PFKFB4: variants seen among roughly 807,000 people sequenced by gnomAD.
PFKFB4 encodes 6-phosphofructo-2-kinase/fructose-2,6-bisphosphatase 4.
A neutral mutation model predicts 62.8 loss-of-function variants in PFKFB4; 42 were observed. The ratio of observed to expected loss-of-function variants is 0.67; its 90% CI spans 0.52 to 0.86. The LOEUF (loss-of-function observed/expected upper bound fraction) is 0.86, where lower values mean the gene tolerates loss of function less well. Ranked by LOEUF, PFKFB4 falls within the 40% of genes least tolerant of loss-of-function variation. The pLI is 0.00. For missense variants in PFKFB4, 475 were observed against 627.2 expected, an observed-to-expected ratio of 0.76 and a Z score of 2.59; for synonymous variants, 204 against 240.7, an observed-to-expected ratio of 0.85 and a Z score of 1.41.
intron 1 of PFKFB4, among the ~76,000 whole-genome samples, chr3:48,554,010 C>T (rs1384706489): frequency 6.6e-6 from 1 of 152,196 alleles, no homozygotes; most frequent in Non-Finnish European, 1.5e-5. Context: ...AGGTAAAAGC[C>T]TCCCAAGCCC....
chr3:48,525,853 C>CT, intron 9 of PFKFB4, 184 bp from the exon 10 acceptor site: 1 of 403,300 alleles, frequency 2.5e-6, no homozygotes. Context: ...TGGTTCCTTG[C>CT]TTGTAAAAAG....
chr3:48,558,206 C>CT (rs2043376985), upstream of PFKFB4, among the ~76,000 whole-genome samples: 1 of 152,106 alleles, frequency 6.6e-6, no homozygotes, highest in African/African-American at 2.4e-5. Flanking sequence ...CCCTGGCTCA[C>CT]TTTCTTGTTT....
chr3:48,562,396 C>T (rs551367269), upstream of PFKFB4: 58 of 229,840 alleles, frequency 2.5e-4, 1 homozygote, highest in South Asian at 4.6e-3. This position sits in a 1 kb window ranked among gnomAD's most constrained non-coding sequence, Gnocchi z 4.3. Flanking sequence ...CTGCATGTGG[C>T]GGTGTCCAGG....
In PFKFB4 at chr3:48,556,248, G is replaced by T; in HGVS notation, c.97+433C>A. On this transcript the variant is annotated intron_variant, in intron 1 of 13. Coordinates refer to ENST00000232375, the MANE Select transcript of PFKFB4 (RefSeq NM_004567.4). This position sits in a 1 kb window ranked among gnomAD's most constrained non-coding sequence, Gnocchi z 5.7. ...CTTTGAAAGTTCTGGGCTCAGAGAGGCCAAGTAATTCACCTAGGGCCACAC... is the reference window on the plus strand; with the variant it reads ...CTTTGAAAGTTCTGGGCTCAGAGAGTCCAAGTAATTCACCTAGGGCCACAC... 2.1e-6 allele frequency: 1 copy of T among 469,970 alleles called. No individual in the cohort carries two copies. The highest frequency in any genetic ancestry group is 4.2e-6 in the Non-Finnish European group (1 of 236,224). 29.1% of individuals were successfully genotyped at this position (469,970 alleles called of 1,614,324 possible).
intron 6 of PFKFB4, among the ~76,000 whole-genome samples, chr3:48,538,985 A>G (rs967849861): frequency 7.9e-5 from 12 of 152,020 alleles, no homozygotes; most frequent in African/African-American, 2.9e-4. Flanking sequence ...AATATAAAAC[A>G]TGCCCCTCAC....
chr3:48,523,421 T>C (rs2042157547), intron 12 of PFKFB4, 116 bp downstream of exon 12: 10 of 956,088 alleles, frequency 1.0e-5, no homozygotes, highest in East Asian at 2.5e-5. Context: ...GGTGGGGTAG[T>C]AGGTGGAGGA....
intron 3 of PFKFB4, among the ~76,000 whole-genome samples, chr3:48,544,728 GT>G (rs11348081): frequency 0.13 from 18,080 of 143,422 alleles, 2,181 homozygotes; most frequent in African/African-American, 0.32. Context: ...CAGAAGGTTT[GT>G]TTTTTTTTTT....
rs554233560 is a variant in PFKFB4, at chr3:48,549,483, C to A, written c.311+381G>T. Among the ~76,000 whole-genome samples the A allele has an allele frequency of 2.6e-5, 4 of 152,212 alleles. No individual in the cohort carries two copies. In the East Asian group the frequency reaches 7.7e-4, roughly 29 times the overall value. On this transcript the variant is annotated intron_variant, in intron 3 of 13. Coordinates refer to ENST00000232375, the MANE Select transcript of PFKFB4 (RefSeq NM_004567.4). ...GGGGCGCTGGGGTGAGCGAGCGTGA[C>A]CTCCAGGCAGCAGCTCCAACGACCT...
At chr3:48,530,634 C>A (rs1451610991) in intron 9 of PFKFB4, among the ~76,000 whole-genome samples, 1 of 152,132 alleles carries the variant, frequency 6.6e-6, no homozygotes, top group Non-Finnish European at 1.5e-5. Context: ...GTTGCAGATG[C>A]CTTGATGAAA....
At chr3:48,561,008 T>G (rs1164822527), upstream of PFKFB4, 3 of 1,135,556 alleles carry the variant, frequency 2.6e-6, no homozygotes, top group Non-Finnish European at 3.5e-6. The surrounding 1 kb of genome is among the most constrained non-coding windows in gnomAD (Gnocchi z 5.2). Context: ...TTCATCCAGG[T>G]CTTTCCCTAA....
chr3:48,547,253 C>T lies in PFKFB4; in HGVS notation c.311+2611G>A, dbSNP rs190499875. 5.9e-5 allele frequency among the ~76,000 whole-genome samples: 9 copies of T among 152,276 alleles called. No individual in the cohort carries two copies. In the East Asian group the frequency reaches 1.5e-3, roughly 26 times the overall value. ...GTATTTATATGTGTAGGTGCCCACACATGTACATATACCCTTATGTATAAC... is the reference window on the plus strand; with the variant it reads ...GTATTTATATGTGTAGGTGCCCACATATGTACATATACCCTTATGTATAAC... On this transcript the variant is annotated intron_variant, in intron 3 of 13. Coordinates refer to ENST00000232375, the MANE Select transcript of PFKFB4 (RefSeq NM_004567.4).
At chr3:48,560,814 G>T (rs546882279), upstream of PFKFB4, among the ~76,000 whole-genome samples, 1 of 151,980 alleles carries the variant, frequency 6.6e-6, no homozygotes, top group African/African-American at 2.4e-5. Context: ...GCCAGCTGGC[G>T]GTCCCTCCCC....
intron 9 of PFKFB4, 42 bp downstream of exon 9, chr3:48,535,470 C>A (rs138856013): frequency 1.3e-5 from 20 of 1,519,508 alleles, no homozygotes; most frequent in East Asian, 2.3e-5. Flanking sequence ...AGCAGCCCTG[C>A]GGTATCTGGG....
At chr3:48,561,234 C>G (rs2043429111), upstream of PFKFB4, 2 of 431,714 alleles carry the variant, frequency 4.6e-6, no homozygotes, top group Admixed American at 8.3e-5. The surrounding 1 kb of genome is among the most constrained non-coding windows in gnomAD (Gnocchi z 5.2). Context: ...GCCTCCCCAG[C>G]CCACTGTAGG....
chr3:48,520,640 T>C (rs937479504), intron 13 of PFKFB4, among the ~76,000 whole-genome samples: 2 of 152,232 alleles, frequency 1.3e-5, no homozygotes, highest in African/African-American at 4.8e-5. Flanking sequence ...GTATAATTCT[T>C]ACTGCTGGGC....
chr3:48,533,829 G>A (rs2107512477), intron 9 of PFKFB4, among the ~76,000 whole-genome samples: 1 of 152,232 alleles, frequency 6.6e-6, no homozygotes, highest in East Asian at 1.9e-4. Flanking sequence ...ACTCCAGCCT[G>A]GACAACAGGA....
rs1296592238 is a variant in PFKFB4 at position 48,535,537 on chromosome 3, C to CA, written c.961dup (p.Trp321LeufsTer13). The CA allele has an allele frequency of 3.1e-6, 5 of 1,614,100 alleles. No individual in the cohort carries two copies. Among genetic ancestry groups the CA allele is most frequent in the Non-Finnish European group, 3.4e-6 (4 of 1,179,970 alleles). On this transcript the variant is annotated frameshift_variant, in exon 9 of 14. Coordinates refer to ENST00000232375, the MANE Select transcript of PFKFB4 (RefSeq NM_004567.4). LOFTEE classifies it high-confidence loss of function. ...CGCATCGATCTCGTTGAGGACCTTCCACTGTTCATAGGGCACACCCAGTGC... is the reference window on the plus strand; with the variant it reads ...CGCATCGATCTCGTTGAGGACCTTCCAACTGTTCATAGGGCACACCCAGTGC...
rs771177958 is a variant in PFKFB4, at chr3:48,550,126, G to A, written c.206C>T (p.Pro69Leu). The A allele has an allele frequency of 2.5e-6, 4 of 1,611,252 alleles. No individual in the cohort carries two copies. The highest frequency in any genetic ancestry group is 3.4e-6 in the Non-Finnish European group (4 of 1,177,440). The change falls in exon 2 of 14, where the codon CCC (proline) becomes CTC (leucine). Residue 69 changes from proline (P) to leucine (L), a missense_variant. Coordinates refer to ENST00000232375, the MANE Select transcript of PFKFB4 (RefSeq NM_004567.4). The part of the protein sequence containing the change: ...LTRYLNWIGV[P>L]TREFNVGQYR... ...CTGGGGCCAAGCCTCACCCCGAGTG[G>A]GCACACCAATCCAGTTCAGGTATCG... is the stretch of plus-strand genomic sequence containing the variant.
chr3:48,523,877 A>G lies in PFKFB4; in HGVS notation c.1093-47T>C, dbSNP rs775860301. 6 of 1,587,234 alleles carry G rather than the reference A, an allele frequency of 3.8e-6. No homozygotes were observed. The South Asian group carries it at 6.9e-5, about 18-fold the overall frequency. ...GGTCCCTCAGGCCTGGCTCCGGGGG[A>G]GGGACAGACACATCCTGGACACTGG... On this transcript the variant is annotated intron_variant, in intron 10 of 13. Transcript: ENST00000232375.
Sources: allele counts gnomAD v4.1 joint callset (sites outside exome capture counted in the v4.1 genomes callset), GRCh38; gene constraint gnomAD v4.1.1; non-coding constraint Gnocchi (gnomAD v3.1); transcripts MANE v1.5; gene names NCBI Gene and HGNC (gene_info 2026-07-23, HGNC 2026-07-21).